CPLX4: variants seen among roughly 807,000 people sequenced by gnomAD.
CPLX4 encodes complexin 4, also known as complexin-4.
A neutral mutation model predicts 16.1 loss-of-function variants in CPLX4; 17 were observed. That is an observed-to-expected ratio of 1.06 (90% CI 0.72 to 1.59). The LOEUF is 1.59. CPLX4 is among the 40% of genes most tolerant of loss of function. The probability of loss-of-function intolerance (pLI) is 0.00; values close to 1 mark genes in which losing one functional copy is unlikely to be tolerated. For synonymous variants in CPLX4, 55 were observed against 57.8 expected (o/e 0.95, Z 0.22); for missense variants, 193 against 192.9 (o/e 1.00, Z 0.00).
At position 59,318,364 on chromosome 18, in the gene CPLX4, A is replaced by G. The variant is rs1390475030; in HGVS notation, c.99T>C (p.Asp33=). 6.2e-7 allele frequency: 1 copy of G among 1,613,814 alleles called. No individual in the cohort carries two copies. The highest frequency in any genetic ancestry group is 8.5e-7 in the Non-Finnish European group (1 of 1,179,900). The change falls in exon 1 of 3, where the codon GAT becomes GAC. Residue 33 remains aspartate (D), a synonymous_variant. Coordinates refer to ENST00000299721, the MANE Select transcript of CPLX4 (RefSeq NM_181654.4). ...EENKEEGGAS[D]PAAAQGMTRE... ...TAGTCATCCCTTGAGCTGCTGCAGG[A>G]TCAGATGCACCTCCTTCTTCTTTAT...
At chr18:59,299,303 C>T (rs191420795) in intron 2 of CPLX4, among the ~76,000 whole-genome samples, 5 of 152,322 alleles carry the variant, frequency 3.3e-5, no homozygotes, top group Admixed American at 1.3e-4. Flanking sequence ...GGGACATCTG[C>T]CCTCTCTTAT....
intron 1 of CPLX4, among the ~76,000 whole-genome samples, chr18:59,313,500 C>T (rs1486236961): frequency 1.3e-5 from 2 of 152,210 alleles, no homozygotes; most frequent in Non-Finnish European, 2.9e-5. Context: ...CAAAAGCAGA[C>T]ACCTTTGGGA....
In CPLX4 at chr18:59,312,720, TG is replaced by T; in HGVS notation, c.219del (p.Arg74GlufsTer37). ...CTGTATTTTTCTCTGAGATGAACTC[TG>T]AGGCATGCCCTTTCTGCCTTTTTCT... ...FTQKKAERAC[L>X]RVHLREKYRL... On this transcript the variant is annotated frameshift_variant, in exon 2 of 3. Transcript: ENST00000299721. LOFTEE classifies it high-confidence loss of function. 1 of 1,465,576 alleles carries T rather than the reference TG, an allele frequency of 6.8e-7. No homozygotes were observed. Among genetic ancestry groups the T allele is most frequent in the Non-Finnish European group, 9.6e-7 (1 of 1,044,560 alleles). The allele number at this position is 1,465,576 out of a possible 1,614,324, so 90.8% of individuals were successfully genotyped here.
intron 1 of CPLX4, 52 bp from the exon 2 acceptor site, chr18:59,312,824 C>T (rs1170917806): frequency 1.2e-6 from 1 of 859,210 alleles, no homozygotes; most frequent in Non-Finnish European, 2.0e-6. Flanking sequence ...TAAGGACATT[C>T]CTGCCCGTGC....
chr18:59,297,012 T>C (rs939732124), intron 2 of CPLX4, 87 bp from the exon 3 acceptor site: 2 of 1,506,254 alleles, frequency 1.3e-6, no homozygotes, highest in South Asian at 2.6e-5. Context: ...CAGGAAAAGG[T>C]CTTTAGAGAA....
rs1318003751 is a variant in CPLX4 at position 59,295,487 on chromosome 18, G to A, written c.*1211C>T. The stretch of plus-strand genomic sequence containing the variant: ...AACACATTTGAGAACCCTGGGTTTA[G>A]AACAACTTAGACCCTAAGTTTTCGG... On this transcript the variant is annotated 3_prime_UTR_variant, in exon 3 of 3. Transcript: ENST00000299721. 3 of 150,412 alleles carry A rather than the reference G, an allele frequency of 2.0e-5. 1 individual carries two copies. The highest frequency in any genetic ancestry group is 7.3e-5 in the African/African-American group (3 of 40,864). The allele number at this position is 150,412 out of a possible 1,614,324, so 9.3% of individuals were successfully genotyped here. A position where few individuals can be genotyped will look rare whatever the true frequency, so the allele number is the denominator to read the frequency against.
Position 59,312,745 on chromosome 18 carries a change from C to G in CPLX4, c.195G>C (p.Gln65His). Residue 65 changes from glutamine to histidine, a missense_variant, in exon 2 of 3, where the codon CAG (glutamine) becomes CAC (histidine). Coordinates refer to ENST00000299721, the MANE Select transcript of CPLX4 (RefSeq NM_181654.4). ...TGAGGCATGCCCTTTCTGCCTTTTT[C>G]TGTGTAAATGCAGCATCTCTTTCCA... is the stretch of plus-strand genomic sequence containing the variant. ...EKMERDAAFTQKKAERACLRV... is the reference protein window; with the variant it reads ...EKMERDAAFTHKKAERACLRV... The G allele has an allele frequency of 6.9e-7, 1 of 1,448,740 alleles. No homozygotes were observed. Among genetic ancestry groups the G allele is most frequent in the South Asian group, 1.1e-5 (1 of 87,456 alleles). The allele number at this position is 1,448,740 out of a possible 1,614,324, so 89.7% of individuals were successfully genotyped here.
chr18:59,315,806 C>T (rs947570927), intron 1 of CPLX4, among the ~76,000 whole-genome samples: 2 of 152,136 alleles, frequency 1.3e-5, no homozygotes, highest in African/African-American at 2.4e-5. Context: ...ATTATTTTGG[C>T]GCTTTTGTTG....
chr18:59,297,051 T>G, intron 2 of CPLX4, 126 bp from the exon 3 acceptor site: 1 of 1,422,446 alleles, frequency 7.0e-7, no homozygotes, highest in Non-Finnish European at 9.2e-7. Flanking sequence ...CTCTTGGCCT[T>G]GCAGCAGAGC....
Position 59,318,472 on chromosome 18 carries a change from C to T in CPLX4, c.-10G>A. On this transcript the variant is annotated 5_prime_UTR_variant, in exon 1 of 3. Transcript: ENST00000299721. ...TCATAAGGAAAGCCATTTTCTCTGC[C>T]CCAGAAAAATAAAACCAAAATTCAG... 1 of 1,582,444 alleles carries T rather than the reference C, an allele frequency of 6.3e-7. No individual in the cohort carries two copies. The highest frequency in any genetic ancestry group is 1.2e-5 in the South Asian group (1 of 85,962).
At chr18:59,301,952 C>A (rs1336386059) in intron 2 of CPLX4, among the ~76,000 whole-genome samples, 1 of 152,166 alleles carries the variant, frequency 6.6e-6, no homozygotes, top group African/African-American at 2.4e-5. Context: ...CAAATGGTAG[C>A]AGTGGTTATG....
chr18:59,303,037 A>G (rs143745692), intron 2 of CPLX4, among the ~76,000 whole-genome samples: 146 of 152,318 alleles, frequency 9.6e-4, no homozygotes, highest in Non-Finnish European at 1.6e-3. Context: ...AATGGTGAGG[A>G]TCATGGACTT....
chr18:59,296,961 C>T (rs1463662666), intron 2 of CPLX4, 36 bp from the exon 3 acceptor site: 18 of 1,584,436 alleles, frequency 1.1e-5, no homozygotes, highest in Non-Finnish European at 1.5e-5. Context: ...ATAAATAACT[C>T]TAAACTACTA....
intron 2 of CPLX4, among the ~76,000 whole-genome samples, chr18:59,307,166 G>A (rs2070582229): frequency 6.6e-6 from 1 of 152,200 alleles, no homozygotes; most frequent in African/African-American, 2.4e-5. Context: ...GAAGAGTAAG[G>A]AGGCTTGAGT....
intron 2 of CPLX4, among the ~76,000 whole-genome samples, chr18:59,301,954 G>T (rs1293348839): frequency 6.6e-6 from 1 of 152,260 alleles, no homozygotes; most frequent in African/African-American, 2.4e-5. Context: ...AATGGTAGCA[G>T]TGGTTATGAA....
intron 1 of CPLX4, among the ~76,000 whole-genome samples, chr18:59,316,444 CTGTT>C (rs1474778796): frequency 6.6e-6 from 1 of 152,082 alleles, no homozygotes; most frequent in African/African-American, 2.4e-5. Context: ...ATATACTAAA[CTGTT>C]TGTAGCTCTC....
At chr18:59,302,638 C>T (rs1251275907) in intron 2 of CPLX4, among the ~76,000 whole-genome samples, 1 of 152,216 alleles carries the variant, frequency 6.6e-6, no homozygotes, top group African/African-American at 2.4e-5. Flanking sequence ...ATGGCCAGTG[C>T]TGAGTACCCC....
At chr18:59,303,467 G>A (rs2070555445) in intron 2 of CPLX4, among the ~76,000 whole-genome samples, 1 of 152,140 alleles carries the variant, frequency 6.6e-6, no homozygotes, top group African/African-American at 2.4e-5. Flanking sequence ...GTCTCGAGAG[G>A]TAAAGATTCT....
intron 2 of CPLX4, among the ~76,000 whole-genome samples, chr18:59,303,276 G>A (rs2070554265): frequency 6.6e-6 from 1 of 152,118 alleles, no homozygotes; most frequent in South Asian, 2.1e-4. Flanking sequence ...TGAAGAATAG[G>A]CATCAGTTTT....
Sources: allele counts gnomAD v4.1 joint callset (sites outside exome capture counted in the v4.1 genomes callset), GRCh38; gene constraint gnomAD v4.1.1; transcripts MANE v1.5; gene names NCBI Gene and HGNC (gene_info 2026-07-23, HGNC 2026-07-21).